Variants in POFUT3 observed in about 807,000 individuals in gnomAD.
The protein encoded by POFUT3 is GDP-fucose protein O-fucosyltransferase 3.
the POFUT3 span, among the ~76,000 whole-genome samples, chr8:33,410,035 A>G: frequency 6.6e-6 from 1 of 152,254 alleles, no homozygotes; most frequent in Non-Finnish European, 1.5e-5. Context: ...AGCTTCTAGC[A>G]CAGAGATAAT....
the POFUT3 span, chr8:33,461,668 T>C: frequency 1.3e-6 from 2 of 1,510,738 alleles, no homozygotes; most frequent in African/African-American, 1.4e-5. Flanking sequence ...TGCAGTCTTC[T>C]TAGGCTATCA....
the POFUT3 span, among the ~76,000 whole-genome samples, chr8:33,348,342 T>G: frequency 6.6e-6 from 1 of 152,246 alleles, no homozygotes; most frequent in East Asian, 1.9e-4. Flanking sequence ...CAATTGATGA[T>G]GAGTGAAAAT....
the POFUT3 span, among the ~76,000 whole-genome samples, chr8:33,344,369 C>CT: frequency 1.3e-5 from 2 of 152,196 alleles, no homozygotes; most frequent in African/African-American, 4.8e-5. Context: ...TGAAGCCTTG[C>CT]TGCCACCTCC....
chr8:33,460,542 C>T, the POFUT3 span, among the ~76,000 whole-genome samples: 2,504 of 152,226 alleles, frequency 0.016, 83 homozygotes, highest in African/African-American at 0.057. Flanking sequence ...CTACAAGATA[C>T]AGACTATCTT....
chr8:33,336,102 C>T, the POFUT3 span, among the ~76,000 whole-genome samples: 2 of 152,216 alleles, frequency 1.3e-5, no homozygotes, highest in African/African-American at 4.8e-5. Flanking sequence ...AATGTAGTTA[C>T]AGACACGACA....
the POFUT3 span, among the ~76,000 whole-genome samples, chr8:33,376,273 T>C: frequency 7.2e-5 from 11 of 152,276 alleles, no homozygotes; most frequent in East Asian, 2.1e-3. Flanking sequence ...TTATAATGAT[T>C]AGAATCTTCA....
chr8:33,347,389 CTAAAT>C, the POFUT3 span, among the ~76,000 whole-genome samples: 5 of 152,164 alleles, frequency 3.3e-5, no homozygotes, highest in African/African-American at 9.7e-5. Flanking sequence ...GACAAATTAT[CTAAAT>C]TAATTATCCA....
At chr8:33,469,194 T>C in the POFUT3 span, among the ~76,000 whole-genome samples, 2 of 152,020 alleles carry the variant, frequency 1.3e-5, no homozygotes, top group African/African-American at 4.8e-5. Flanking sequence ...TAGCCCCAGC[T>C]ACTGGGGAGG....
the POFUT3 span, among the ~76,000 whole-genome samples, chr8:33,384,048 T>C: frequency 3.3e-5 from 5 of 152,068 alleles, no homozygotes; most frequent in Non-Finnish European, 5.9e-5. Context: ...AACTGGTATC[T>C]ACACAGGATC....
At chr8:33,379,735 C>T in the POFUT3 span, among the ~76,000 whole-genome samples, 2 of 149,598 alleles carry the variant, frequency 1.3e-5, no homozygotes, top group African/African-American at 4.9e-5. Flanking sequence ...AGTCAGGATG[C>T]TGAGGCAGGA....
At chr8:33,388,714 C>T in the POFUT3 span, among the ~76,000 whole-genome samples, 11 of 152,122 alleles carry the variant, frequency 7.2e-5, no homozygotes, top group East Asian at 5.8e-4. Flanking sequence ...ACCTGCAGCA[C>T]GGGATCCCCC....
chr8:33,449,755 A>G, the POFUT3 span, among the ~76,000 whole-genome samples: 10 of 151,912 alleles, frequency 6.6e-5, no homozygotes, highest in Non-Finnish European at 1.3e-4. Context: ...AGCTATAGCC[A>G]ACCACTCTGC....
chr8:33,433,285 T>C, the POFUT3 span, among the ~76,000 whole-genome samples: 346 of 151,998 alleles, frequency 2.3e-3, 1 homozygote, highest in Non-Finnish European at 4.0e-3. Flanking sequence ...CTGCAGAGTC[T>C]GGGCAACATA....
the POFUT3 span, among the ~76,000 whole-genome samples, chr8:33,442,715 C>G: frequency 6.6e-6 from 1 of 152,182 alleles, no homozygotes; most frequent in East Asian, 1.9e-4. Context: ...CCGCCTTGGC[C>G]TCCTAAAGTG....
chr8:33,398,845 G>A, the POFUT3 span, among the ~76,000 whole-genome samples: 1 of 152,200 alleles, frequency 6.6e-6, no homozygotes, highest in South Asian at 2.1e-4. Context: ...GAAAAGATAA[G>A]GATGATGTGA....
the POFUT3 span, chr8:33,453,430 T>C: frequency 6.2e-7 from 1 of 1,613,980 alleles, no homozygotes; most frequent in Non-Finnish European, 8.5e-7. Flanking sequence ...GCGTAGGTGC[T>C]TCCTCCATTT....
the POFUT3 span, among the ~76,000 whole-genome samples, chr8:33,472,032 G>A: frequency 5.3e-5 from 8 of 152,158 alleles, no homozygotes; most frequent in East Asian, 1.9e-4. Flanking sequence ...TTGAGACTAC[G>A]GTAGACCAGG....
At chr8:33,314,210 G>C in the POFUT3 span, among the ~76,000 whole-genome samples, 1 of 152,224 alleles carries the variant, frequency 6.6e-6, no homozygotes, top group East Asian at 1.9e-4. Context: ...CACTGTTTCC[G>C]AGAGAGAACA....
chr8:33,375,873 C>T, the POFUT3 span, among the ~76,000 whole-genome samples: 1 of 151,542 alleles, frequency 6.6e-6, no homozygotes, highest in South Asian at 2.1e-4. Context: ...AAAAATGAGC[C>T]GGGTGTGGTG....
Sources: gnomAD v4.1 joint callset for allele counts (sites outside exome capture counted in the v4.1 genomes callset) on GRCh38, gnomAD v4.1.1 for gene constraint, MANE v1.5 for transcripts, NCBI Gene and HGNC (gene_info 2026-07-23, HGNC 2026-07-21) for gene names.